PRTG: variants seen among roughly 807,000 people sequenced by gnomAD.
PRTG encodes protogenin, also known as immunoglobulin superfamily, DCC subclass, member 5.
In PRTG, 67 loss-of-function variants were observed where a neutral mutation model predicts 122.5. The observed-to-expected ratio is 0.55, with a 90% confidence interval of 0.45 to 0.67. The LOEUF (loss-of-function observed/expected upper bound fraction) is 0.67, where lower values mean the gene tolerates loss of function less well. Ranked by LOEUF, PRTG falls within the 30% of genes least tolerant of loss-of-function variation. PRTG has a pLI of 0.00. For missense variants in PRTG, 1,435 were observed against 1,415.4 expected (o/e 1.01, Z -0.22); for synonymous variants, 554 against 501.1 (o/e 1.11, Z -1.41).
chr15:55,679,282 C>G lies in PRTG; in HGVS notation c.1133+4G>C, dbSNP rs1230009534. The G allele has an allele frequency of 6.2e-7, 1 of 1,604,802 alleles. No individual in the cohort carries two copies. The highest frequency in any genetic ancestry group is 2.2e-5 in the East Asian group (1 of 44,726). ...TAAAATGGTAGCAAAGTTACACAGC[C>G]TACCTGTTGTACATTTTAATTCTAC... On this transcript the variant is annotated splice_donor_region_variant and intron_variant, in intron 7 of 19. Transcript: ENST00000389286.
At chr15:55,691,448 C>T (rs1323234137) in intron 2 of PRTG, among the ~76,000 whole-genome samples, 1 of 152,000 alleles carries the variant, frequency 6.6e-6, no homozygotes, top group South Asian at 2.1e-4. Flanking sequence ...TTTGGGAGGC[C>T]AAGGAGGGTG....
At chr15:55,669,047 AT>A (rs1253038058) in intron 11 of PRTG, among the ~76,000 whole-genome samples, 1 of 152,200 alleles carries the variant, frequency 6.6e-6, no homozygotes, top group African/African-American at 2.4e-5. Flanking sequence ...CGTTAAATGA[AT>A]TGAAATACAT....
At chr15:55,628,234 C>G (rs1203592923) in intron 16 of PRTG, among the ~76,000 whole-genome samples, 1 of 152,134 alleles carries the variant, frequency 6.6e-6, no homozygotes, top group Non-Finnish European at 1.5e-5. Flanking sequence ...CTCCACAAGC[C>G]TACTCCCCCA....
At chr15:55,707,125 T>C (rs1052679316) in intron 2 of PRTG, among the ~76,000 whole-genome samples, 16 of 152,232 alleles carry the variant, frequency 1.1e-4, no homozygotes, top group Middle Eastern at 3.2e-3. Flanking sequence ...TGATCAGAGT[T>C]AAGGGTGATG....
intron 2 of PRTG, among the ~76,000 whole-genome samples, chr15:55,693,142 C>A (rs933689229): frequency 6.6e-6 from 1 of 152,160 alleles, no homozygotes; most frequent in Non-Finnish European, 1.5e-5. Context: ...AGCCACCGCG[C>A]CAAGCCAAGG....
At chr15:55,723,752 C>CTTT (rs769469226) in intron 2 of PRTG, among the ~76,000 whole-genome samples, 89 of 127,098 alleles carry the variant, frequency 7.0e-4, no homozygotes, top group South Asian at 1.5e-3. Flanking sequence ...TTTCTTTTTT[C>CTTT]TTTTTTTTTT....
intron 2 of PRTG, chr15:55,738,717 G>C (rs1161362204): frequency 2.7e-6 from 1 of 370,668 alleles, no homozygotes; most frequent in African/African-American, 2.1e-5. Context: ...TGATTACGGG[G>C]GAAGGAGGGA....
At chr15:55,737,811 G>T (rs2031457134) in intron 2 of PRTG, among the ~76,000 whole-genome samples, 1 of 151,390 alleles carries the variant, frequency 6.6e-6, no homozygotes, top group Non-Finnish European at 1.5e-5. Flanking sequence ...AGATTTCCAG[G>T]TGCTGTACTA....
intron 2 of PRTG, among the ~76,000 whole-genome samples, chr15:55,717,631 A>C (rs1438176279): frequency 1.3e-5 from 2 of 152,254 alleles, no homozygotes; most frequent in African/African-American, 4.8e-5. Flanking sequence ...GTGGGACACA[A>C]TACATTTGAA....
chr15:55,714,557 A>G (rs1006210440), intron 2 of PRTG, among the ~76,000 whole-genome samples: 2 of 151,612 alleles, frequency 1.3e-5, no homozygotes, highest in Non-Finnish European at 2.9e-5. Context: ...TTTTTTTTAA[A>G]TAGAGAAAGA....
intron 2 of PRTG, among the ~76,000 whole-genome samples, chr15:55,693,458 G>GAA (rs112499083): frequency 1.6e-5 from 2 of 126,614 alleles, no homozygotes; most frequent in Non-Finnish European, 1.7e-5. Context: ...CTCCGTCTCA[G>GAA]AAAAAAAAAA....
Position 55,692,835 on chromosome 15 carries a change from C to CTTTTT in PRTG, c.398-8909_398-8905dup, listed in dbSNP as rs774248341. Among the ~76,000 whole-genome samples the CTTTTT allele has an allele frequency of 3.9e-4, 29 of 74,974 alleles. 1 individual carries two copies. Among genetic ancestry groups the CTTTTT allele is most frequent in the East Asian group, 9.8e-4 (2 of 2,036 alleles). 49.2% of individuals were successfully genotyped at this position (74,974 alleles called of 152,430 possible). Reference sequence around the variant, plus strand: ...TGTTTTTCCAATTTTAATGCAATCTCTTTTTTTTTTTTTTTTTTTTTTTGA... The same window carrying CTTTTT: ...TGTTTTTCCAATTTTAATGCAATCTCTTTTTTTTTTTTTTTTTTTTTTTTTTTTGA... On this transcript the variant is annotated intron_variant, in intron 2 of 19. Transcript: ENST00000389286.
chr15:55,698,700 A>G (rs1427033158), intron 2 of PRTG, among the ~76,000 whole-genome samples: 1 of 152,200 alleles, frequency 6.6e-6, no homozygotes, highest in African/African-American at 2.4e-5. Context: ...TTTTACCTTT[A>G]GAGAAGAAAT....
In PRTG at chr15:55,618,193, T is replaced by G. The variant is rs896882240; in HGVS notation, c.*1819A>C. 2 of 152,206 alleles carry G rather than the reference T, an allele frequency of 1.3e-5. No homozygotes were observed. Among genetic ancestry groups the G allele is most frequent in the African/African-American group, 4.8e-5 (2 of 41,456 alleles). The allele number at this position is 152,206 out of a possible 1,614,324, so 9.4% of individuals were successfully genotyped here. On this transcript the variant is annotated 3_prime_UTR_variant, in exon 20 of 20. Transcript: ENST00000389286. ...AGTGGTTGCTGGCATTGAACTTTAG[T>G]CTTAATCACATCCAGTTTGGCACAA...
At chr15:55,635,799 C>G (rs183422821) in intron 15 of PRTG, among the ~76,000 whole-genome samples, 1 of 152,074 alleles carries the variant, frequency 6.6e-6, no homozygotes, top group Admixed American at 6.5e-5. Flanking sequence ...GGTAAATATT[C>G]CTCTTGAAAA....
Position 55,740,617 on chromosome 15 carries a change from G to C in PRTG, c.162C>G (p.Asp54Glu). 6.2e-7 allele frequency: 1 copy of C among 1,614,006 alleles called. No individual in the cohort carries two copies. Among genetic ancestry groups the C allele is most frequent in the Non-Finnish European group, 8.5e-7 (1 of 1,179,988 alleles). The change falls in exon 2 of 20, where the codon GAC (aspartate) becomes GAG (glutamate). Residue 54 changes from aspartate (D) to glutamate (E), a missense_variant. Transcript: ENST00000389286. ...EPQDVTVTRK[D>E]PVVLDCQAHG... ...GAGCCTGGCAATCTAAAACGACTGG[G>C]TCCTTTCTTGTGACAGTTACATCCT...
intron 7 of PRTG, 138 bp from the exon 8 acceptor site, chr15:55,678,182 A>G: frequency 6.6e-6 from 4 of 602,508 alleles, no homozygotes; most frequent in Non-Finnish European, 1.1e-5. Context: ...AGAACACTGC[A>G]GCAACTATGT....
At position 55,617,711 on chromosome 15, in the gene PRTG, G is replaced by A. The variant is rs1209053881; in HGVS notation, c.*2301C>T. 1 of 152,036 alleles carries A rather than the reference G, an allele frequency of 6.6e-6. No homozygotes were observed. Among genetic ancestry groups the A allele is most frequent in the East Asian group, 1.9e-4 (1 of 5,196 alleles). The allele number at this position is 152,036 out of a possible 1,614,324, so 9.4% of individuals were successfully genotyped here. On this transcript the variant is annotated 3_prime_UTR_variant, in exon 20 of 20. Transcript: ENST00000389286. ...CAAACAAACAAAATACTTTCCTCAAGGACTTTAGCTCGTCTTTTTAGCCAT... is the reference window on the plus strand; with the variant it reads ...CAAACAAACAAAATACTTTCCTCAAAGACTTTAGCTCGTCTTTTTAGCCAT...
intron 2 of PRTG, among the ~76,000 whole-genome samples, chr15:55,713,280 A>G (rs1458961630): frequency 1.3e-5 from 2 of 152,222 alleles, no homozygotes; most frequent in Non-Finnish European, 2.9e-5. Context: ...TTTACCACTT[A>G]TCCACACTAT....
Sources: gnomAD v4.1 joint callset for allele counts (sites outside exome capture counted in the v4.1 genomes callset) on GRCh38, gnomAD v4.1.1 for gene constraint, MANE v1.5 for transcripts, NCBI Gene and HGNC (gene_info 2026-07-23, HGNC 2026-07-21) for gene names.